The following KMT2C variants were observed in gnomAD, a reference collection of about 807,000 sequenced individuals.
KMT2C encodes the protein lysine methyltransferase 2C.
KMT2C carries 88 observed loss-of-function variants against 507.9 expected under a neutral mutation model. That is an observed-to-expected ratio of 0.17 (90% CI 0.15 to 0.21). The LOEUF is 0.21. KMT2C is among the 10% of genes least tolerant of loss of function. KMT2C has a pLI of 1.00. For missense variants in KMT2C, 4,954 were observed against 5,957.8 expected (o/e 0.83, Z 5.55); for synonymous variants, 2,049 against 2,080.8 (o/e 0.98, Z 0.42).
At chr7:152,167,464 G>T in intron 41 of KMT2C, 86 bp from the exon 42 acceptor site, 1 of 836,390 alleles carries the variant, frequency 1.2e-6, no homozygotes, top group South Asian at 1.7e-5. Flanking sequence ...TAAGGAAGTA[G>T]TTTCACCATG....
In KMT2C at chr7:152,180,824, C is replaced by T. The variant is rs889687560; in HGVS notation, c.7036G>A (p.Gly2346Ser). 4.3e-6 allele frequency: 7 copies of T among 1,614,152 alleles called. No homozygotes were observed. Among genetic ancestry groups the T allele is most frequent in the Non-Finnish European group, 5.1e-6 (6 of 1,180,028 alleles). Residue 2346 changes from glycine to serine, a missense_variant, in exon 36 of 59, where the codon GGC becomes AGC. Coordinates refer to ENST00000262189, the MANE Select transcript of KMT2C (RefSeq NM_170606.3). Reference protein sequence around the residue: ...ASSNSPMHSQGQQFSGVSQLP... With the variant: ...ASSNSPMHSQSQQFSGVSQLP... ...TGGGAGACACCAGAGAACTGCTGGC[C>T]TTGGGAGTGCATTGGAGAGTTTGAA...
At chr7:152,185,242 C>G (rs1336366051) in intron 34 of KMT2C, among the ~76,000 whole-genome samples, 1 of 152,098 alleles carries the variant, frequency 6.6e-6, no homozygotes, top group African/African-American at 2.4e-5. Context: ...ATATAGAACT[C>G]ATGGATACAG....
intron 23 of KMT2C, among the ~76,000 whole-genome samples, chr7:152,215,395 T>C (rs1219723979): frequency 2.7e-5 from 4 of 150,554 alleles, no homozygotes; most frequent in Non-Finnish European, 5.9e-5. Context: ...GTGCCTGTAG[T>C]CCCAGCTACT....
chr7:152,309,809 C>T (rs2096654579), intron 6 of KMT2C, 157 bp downstream of exon 6: 1 of 542,364 alleles, frequency 1.8e-6, no homozygotes, highest in Non-Finnish European at 3.3e-6. Flanking sequence ...GTGTGAGCCA[C>T]CATACCTGGC....
intron 1 of KMT2C, among the ~76,000 whole-genome samples, chr7:152,368,879 C>A (rs1189483997): frequency 6.6e-6 from 1 of 152,026 alleles, no homozygotes; most frequent in Non-Finnish European, 1.5e-5. Flanking sequence ...CTCTAAGTAC[C>A]TTTCCTACAT....
At chr7:152,265,409 T>C (rs1331754806) in intron 7 of KMT2C, among the ~76,000 whole-genome samples, 200 bp from the exon 8 acceptor site, 1 of 152,208 alleles carries the variant, frequency 6.6e-6, no homozygotes, top group Non-Finnish European at 1.5e-5. Flanking sequence ...CCACATTAAA[T>C]TTAATCGTAT....
intron 1 of KMT2C, among the ~76,000 whole-genome samples, chr7:152,384,558 CA>C (rs2097403981): frequency 1.3e-5 from 1 of 78,942 alleles, no homozygotes. Flanking sequence ...ACACCACCAC[CA>C]CCACCACCAC....
intron 1 of KMT2C, among the ~76,000 whole-genome samples, chr7:152,379,872 G>A (rs2097357209): frequency 6.6e-6 from 1 of 152,308 alleles, no homozygotes; most frequent in Non-Finnish European, 1.5e-5. Flanking sequence ...GTAATGGGAG[G>A]ATCACTTGAG....
chr7:152,258,746 G>C (rs189904817), intron 9 of KMT2C, among the ~76,000 whole-genome samples: 2 of 152,068 alleles, frequency 1.3e-5, no homozygotes, highest in African/African-American at 4.8e-5. Flanking sequence ...GGCTGATCTC[G>C]AACTCCTGAC....
chr7:152,269,619 G>A (rs1365125765), intron 7 of KMT2C, among the ~76,000 whole-genome samples: 5 of 152,168 alleles, frequency 3.3e-5, no homozygotes, highest in Admixed American at 2.0e-4. Context: ...AAAGGGCAGA[G>A]GAGTAAATTC....
chr7:152,187,749 A>G lies in KMT2C; in HGVS notation c.4759T>C (p.Ser1587Pro). 1 of 1,614,146 alleles carries G rather than the reference A, an allele frequency of 6.2e-7. No homozygotes were observed. The change falls in exon 32 of 59, where the codon TCT becomes CCT. Residue 1587 changes from serine (S) to proline (P), a missense_variant. Ser to Pro is a moderately conservative substitution (Grantham distance 74, BLOSUM62 -1). Coordinates refer to ENST00000262189, the MANE Select transcript of KMT2C (RefSeq NM_170606.3). ...LPPGSGLGTF[S>P]AIAQSSYPDA... ...GGATAAGAGGATTGTGCAATTGCAG[A>G]GAAAGTTCCCAGTCCGCTTCCAGGT...
rs2089852383 is a variant in KMT2C, at chr7:152,136,067, T to TAAA, written c.*764_*765insTTT. The TAAA allele has an allele frequency of 4.6e-6, 1 of 218,840 alleles. No individual in the cohort carries two copies. The highest frequency in any genetic ancestry group is 6.9e-5 in the East Asian group (1 of 14,588). The allele number at this position is 218,840 out of a possible 1,614,324, so 13.6% of individuals were successfully genotyped here. ...TGTATTTTTTCTCAAAATATTTACA[T>TAAA]ATCTGTACAAAGTAACAGGGTTTGT... On this transcript the variant is annotated 3_prime_UTR_variant, in exon 59 of 59. Coordinates refer to ENST00000262189, the MANE Select transcript of KMT2C (RefSeq NM_170606.3).
intron 2 of KMT2C, among the ~76,000 whole-genome samples, chr7:152,334,907 T>C (rs2096920057): frequency 6.6e-6 from 1 of 152,228 alleles, no homozygotes; most frequent in African/African-American, 2.4e-5. Context: ...TTGGGGTCTC[T>C]GTTACAGCAG....
At chr7:152,354,293 A>T (rs908117557) in intron 2 of KMT2C, among the ~76,000 whole-genome samples, 1 of 152,196 alleles carries the variant, frequency 6.6e-6, no homozygotes, top group African/African-American at 2.4e-5. Flanking sequence ...GTTTTGTTGT[A>T]ATGTTGTAAT....
intron 20 of KMT2C, 61 bp downstream of exon 20, chr7:152,223,954 T>G (rs1239503709): frequency 1.2e-5 from 14 of 1,203,720 alleles, no homozygotes; most frequent in Non-Finnish European, 1.6e-5. Flanking sequence ...TTCCATTTGT[T>G]TTTTTTTTTG....
chr7:152,209,454 CAAA>C (rs71198766), intron 23 of KMT2C, among the ~76,000 whole-genome samples: 4 of 70,900 alleles, frequency 5.6e-5, no homozygotes, highest in Non-Finnish European at 6.2e-5. Context: ...GACTCCGTCT[CAAA>C]AAAAAAAAAA....
At chr7:152,408,619 G>T (rs2097647590) in intron 1 of KMT2C, among the ~76,000 whole-genome samples, 1 of 152,100 alleles carries the variant, frequency 6.6e-6, no homozygotes, top group Admixed American at 6.6e-5. Context: ...CACAAGCAAG[G>T]GACCTAGGCT....
At chr7:152,308,461 A>G (rs906060070) in intron 6 of KMT2C, among the ~76,000 whole-genome samples, 4 of 151,446 alleles carry the variant, frequency 2.6e-5, no homozygotes, top group African/African-American at 9.7e-5. Context: ...AGATCACCTG[A>G]GGTCAGGAGT....
chr7:152,430,305 G>A (rs2097854005), intron 1 of KMT2C, among the ~76,000 whole-genome samples: 1 of 150,770 alleles, frequency 6.6e-6, no homozygotes, highest in Non-Finnish European at 1.5e-5. Flanking sequence ...TTTTTAAAGA[G>A]AAAAGGAAGA....
Sources: allele counts gnomAD v4.1 joint callset (sites outside exome capture counted in the v4.1 genomes callset), GRCh38; gene constraint gnomAD v4.1.1; transcripts MANE v1.5; gene names NCBI Gene and HGNC (gene_info 2026-07-23, HGNC 2026-07-21).